The following VPS13B variants were observed in gnomAD, a reference collection of about 807,000 sequenced individuals.
VPS13B encodes the protein vacuolar protein sorting 13 homolog B.
VPS13B carries 285 observed loss-of-function variants against 426.4 expected under a neutral mutation model. That is an observed-to-expected ratio of 0.67 (90% CI 0.61 to 0.74). The LOEUF is 0.74. VPS13B is among the 30% of genes least tolerant of loss of function. The probability of loss-of-function intolerance (pLI) is 0.00; values close to 1 mark genes in which losing one functional copy is unlikely to be tolerated. For missense variants in VPS13B, 4,537 were observed against 4,782.6 expected (o/e 0.95, Z 1.51); for synonymous variants, 1,676 against 1,676.4 (o/e 1.00, Z 0.01).
intron 25 of VPS13B, among the ~76,000 whole-genome samples, chr8:99,493,797 A>AG (rs1353574088): frequency 2.2e-4 from 33 of 149,474 alleles, no homozygotes; most frequent in African/African-American, 7.6e-4. Context: ...AAAAAAAAAA[A>AG]AAAAGAAAAG....
chr8:99,018,803 A>T (rs1203862347), intron 2 of VPS13B, among the ~76,000 whole-genome samples: 1 of 152,218 alleles, frequency 6.6e-6, no homozygotes, highest in Non-Finnish European at 1.5e-5. Flanking sequence ...ATCATAAATG[A>T]ATGCTGAATT....
chr8:99,817,887 T>A, intron 45 of VPS13B, 84 bp downstream of exon 45: 1 of 1,599,426 alleles, frequency 6.3e-7, no homozygotes, highest in Non-Finnish European at 8.5e-7. Flanking sequence ...CAGCACTTAA[T>A]TTATTAAAAA....
intron 39 of VPS13B, among the ~76,000 whole-genome samples, chr8:99,742,930 C>T (rs938338687): frequency 6.6e-6 from 1 of 152,146 alleles, no homozygotes; most frequent in Non-Finnish European, 1.5e-5. Flanking sequence ...CAGGGATGCC[C>T]TCTCTCACCA....
chr8:99,440,430 T>C (rs1206442527), intron 22 of VPS13B, among the ~76,000 whole-genome samples: 3 of 152,132 alleles, frequency 2.0e-5, no homozygotes, highest in African/African-American at 7.2e-5. Context: ...TTCAGTAATA[T>C]AAATCACTCA....
At chr8:99,775,669 G>A (rs943337037) in intron 40 of VPS13B, among the ~76,000 whole-genome samples, 3 of 152,110 alleles carry the variant, frequency 2.0e-5, no homozygotes, top group Non-Finnish European at 4.4e-5. Context: ...AGGCCAAGGC[G>A]GGTGGATCAC....
chr8:99,295,781 C>T (rs2133057739), intron 19 of VPS13B, among the ~76,000 whole-genome samples: 1 of 152,272 alleles, frequency 6.6e-6, no homozygotes, highest in South Asian at 2.1e-4. Context: ...ATAATCCCAG[C>T]ACTTTGGAGG....
At chr8:99,281,802 G>A (rs558255189) in intron 19 of VPS13B, among the ~76,000 whole-genome samples, 3 of 152,200 alleles carry the variant, frequency 2.0e-5, no homozygotes, top group East Asian at 1.9e-4. Context: ...TCCCCTCCTC[G>A]AAGATGTTTC....
chr8:99,233,702 T>A (rs1816482985), intron 17 of VPS13B: 10 of 788,940 alleles, frequency 1.3e-5, no homozygotes, highest in South Asian at 1.2e-4. Flanking sequence ...TATGCTCAAA[T>A]CCTGCAAGGA....
At chr8:99,078,716 T>C (rs1292862042) in intron 3 of VPS13B, among the ~76,000 whole-genome samples, 2 of 152,024 alleles carry the variant, frequency 1.3e-5, no homozygotes, top group African/African-American at 4.8e-5. Flanking sequence ...TCTTGGGTAG[T>C]GTGATGGCAT....
At chr8:99,548,783 C>T (rs948127582) in intron 30 of VPS13B, among the ~76,000 whole-genome samples, 4 of 151,646 alleles carry the variant, frequency 2.6e-5, no homozygotes, top group African/African-American at 9.7e-5. Context: ...TGCATTACTA[C>T]TGTATTTTCT....
chr8:99,045,568 C>A (rs904368676), intron 3 of VPS13B, among the ~76,000 whole-genome samples: 1 of 151,760 alleles, frequency 6.6e-6, no homozygotes, highest in Non-Finnish European at 1.5e-5. Context: ...TAAGTCCCAG[C>A]TATTTGTTTT....
chr8:99,099,222 TTTTTA>T (rs1186363273), intron 4 of VPS13B, among the ~76,000 whole-genome samples: 7 of 152,192 alleles, frequency 4.6e-5, no homozygotes, highest in Non-Finnish European at 8.8e-5. Context: ...TTTAACAAAG[TTTTTA>T]TTTTGAAACA....
intron 30 of VPS13B, among the ~76,000 whole-genome samples, chr8:99,544,386 C>T (rs201032527): frequency 5.3e-5 from 8 of 151,944 alleles, no homozygotes; most frequent in African/African-American, 1.5e-4. Context: ...GTGGGTGCAG[C>T]GCACCAGCAT....
At chr8:99,675,493 T>C (rs1260402335) in intron 35 of VPS13B, among the ~76,000 whole-genome samples, 1 of 152,200 alleles carries the variant, frequency 6.6e-6, no homozygotes, top group Non-Finnish European at 1.5e-5. Context: ...TATATATTTC[T>C]CCAGGTTTGG....
chr8:99,639,271 T>C (rs764767624), intron 33 of VPS13B, among the ~76,000 whole-genome samples: 1 of 152,112 alleles, frequency 6.6e-6, no homozygotes, highest in African/African-American at 2.4e-5. Flanking sequence ...AAATATATCA[T>C]ATAATAGAAG....
rs1484491940 is a variant in VPS13B at position 99,535,692 on chromosome 8, T to C, written c.4745+14682T>C. Reference sequence around the variant, plus strand: ...ACAGTTGAATGAAGTTTTACATATATATAGACATGTTATCACAACCCAGCA... The same window carrying C: ...ACAGTTGAATGAAGTTTTACATATACATAGACATGTTATCACAACCCAGCA... On this transcript the variant is annotated intron_variant, in intron 30 of 61. Coordinates refer to ENST00000357162, the MANE Select transcript of VPS13B (RefSeq NM_152564.5). Among the ~76,000 whole-genome samples the C allele has an allele frequency of 2.6e-5, 4 of 152,176 alleles. No individual in the cohort carries two copies. In the East Asian group the frequency reaches 7.7e-4, roughly 29 times the overall value.
At chr8:99,748,771 T>A (rs368061868) in intron 39 of VPS13B, among the ~76,000 whole-genome samples, 2 of 151,968 alleles carry the variant, frequency 1.3e-5, no homozygotes, top group Non-Finnish European at 2.9e-5. Flanking sequence ...CTCAGGAGTA[T>A]ATAGTCTCTC....
In VPS13B at chr8:99,384,311, G is replaced by A. The variant is rs1183191413; in HGVS notation, c.2928G>A (p.Met976Ile). 3 of 1,611,816 alleles carry A rather than the reference G, an allele frequency of 1.9e-6. No individual in the cohort carries two copies. The Admixed American group carries it at 5.0e-5, about 27-fold the overall frequency. ...CTCAGAAACGAACAAGTAGACATAT[G>A]CAACAGGTAAGAGATTTTTAAATAA... ...YQPQKRTSRH[M>I]QQQPVVAVPL... is the part of the protein sequence containing the mutation. Residue 976 changes from methionine (M) to isoleucine (I), a missense_variant, in exon 20 of 62, where the codon ATG becomes ATA. Physicochemically the swap from Met to Ile is conservative, Grantham distance 10. Coordinates refer to ENST00000357162, the MANE Select transcript of VPS13B (RefSeq NM_152564.5).
chr8:99,512,934 A>G (rs1359134044), intron 29 of VPS13B, among the ~76,000 whole-genome samples: 1 of 151,600 alleles, frequency 6.6e-6, no homozygotes, highest in Admixed American at 6.6e-5. Context: ...GCTTGAACCC[A>G]GGAGGTGTAG....
Sources: gnomAD v4.1 joint callset for allele counts (sites outside exome capture counted in the v4.1 genomes callset) on GRCh38, gnomAD v4.1.1 for gene constraint, MANE v1.5 for transcripts, NCBI Gene and HGNC (gene_info 2026-07-23, HGNC 2026-07-21) for gene names.